The following TBC1D8 variants were observed in gnomAD, a reference collection of about 807,000 sequenced individuals.
The protein encoded by TBC1D8 is TBC1 domain family member 8.
A neutral mutation model predicts 118.8 loss-of-function variants in TBC1D8; 65 were observed. The ratio of observed to expected loss-of-function variants is 0.55; its 90% confidence interval spans 0.45 to 0.67. The LOEUF (loss-of-function observed/expected upper bound fraction) is 0.67. TBC1D8 is among the 30% of genes least tolerant of loss of function. TBC1D8 has a pLI of 0.00. For synonymous variants in TBC1D8, 566 were observed against 595.8 expected (o/e 0.95, Z 0.73); for missense variants, 1,376 against 1,471.2 (o/e 0.94, Z 1.06).
intron 2 of TBC1D8, among the ~76,000 whole-genome samples, chr2:101,064,778 G>A (rs7606363): frequency 3.8e-4 from 58 of 152,170 alleles, no homozygotes; most frequent in African/African-American, 1.4e-3. Context: ...GTGGTCAACA[G>A]AGGACATCTT....
At chr2:101,066,781 T>C (rs1328731726) in intron 2 of TBC1D8, among the ~76,000 whole-genome samples, 1 of 151,856 alleles carries the variant, frequency 6.6e-6, no homozygotes, top group Non-Finnish European at 1.5e-5. Flanking sequence ...CCCGTCTCTA[T>C]TAAAAATACG....
chr2:101,012,793 A>C (rs1281780436), intron 17 of TBC1D8, among the ~76,000 whole-genome samples: 2 of 152,212 alleles, frequency 1.3e-5, no homozygotes, highest in Non-Finnish European at 2.9e-5. Flanking sequence ...TTCACTGAAA[A>C]TAAATCAAAG....
chr2:101,048,651 G>A (rs774831461), intron 5 of TBC1D8, among the ~76,000 whole-genome samples: 66 of 101,218 alleles, frequency 6.5e-4, no homozygotes, highest in African/African-American at 1.6e-3. Context: ...GCATGCTGCC[G>A]TTCACAGGCC....
chr2:101,103,315 AT>A (rs199643768), intron 1 of TBC1D8, among the ~76,000 whole-genome samples: 40 of 135,448 alleles, frequency 3.0e-4, no homozygotes, highest in South Asian at 6.9e-4. Flanking sequence ...TCCATTCATG[AT>A]TTTAAAAAAA....
At position 101,091,725 on chromosome 2, in the gene TBC1D8, C is replaced by CA. The variant is rs545434375; in HGVS notation, c.128-1362dup. Among the ~76,000 whole-genome samples, 68 of 149,484 alleles carry CA rather than the reference C, an allele frequency of 4.5e-4. 2 individuals carry two copies. The highest frequency in any genetic ancestry group is 8.5e-4 in the South Asian group (4 of 4,708). ...GGGAGACAGAGCAGGACCTCAGTTT[C>CA]AAAAAAAAAGGCATCCTGATCCTTG... On this transcript the variant is annotated intron_variant, in intron 1 of 19. Transcript: ENST00000409318.
chr2:101,087,975 T>C (rs2105454372), intron 2 of TBC1D8, among the ~76,000 whole-genome samples: 1 of 152,312 alleles, frequency 6.6e-6, no homozygotes, highest in East Asian at 1.9e-4. Context: ...TAGAAAATAA[T>C]CTCTCTTGTA....
Position 101,099,399 on chromosome 2 carries a change from A to G in TBC1D8, c.128-9035T>C, listed in dbSNP as rs536227914. On this transcript the variant is annotated intron_variant, in intron 1 of 19. Transcript: ENST00000409318. ...CACCAACCAAAAAAAGCCCAGGACC[A>G]GATGGATTCACAGCTGAATTCTATC... Among the ~76,000 whole-genome samples the G allele has an allele frequency of 3.3e-5, 5 of 152,354 alleles. No homozygotes were observed. The South Asian group carries it at 1.0e-3, about 32-fold the overall frequency.
chr2:101,025,223 T>A (rs369307216), intron 15 of TBC1D8, among the ~76,000 whole-genome samples: 22 of 150,742 alleles, frequency 1.5e-4, no homozygotes, highest in South Asian at 4.2e-4. Flanking sequence ...TTTTTTTTTT[T>A]AATTTTTATT....
intron 12 of TBC1D8, 65 bp downstream of exon 12, chr2:101,029,426 C>A: frequency 6.5e-7 from 1 of 1,544,476 alleles, no homozygotes; most frequent in Non-Finnish European, 8.8e-7. Flanking sequence ...CACCGATAGC[C>A]CTGCTGGGCA....
At chr2:101,116,711 G>A (rs1252894100) in intron 1 of TBC1D8, among the ~76,000 whole-genome samples, 3 of 151,652 alleles carry the variant, frequency 2.0e-5, no homozygotes, top group Non-Finnish European at 2.9e-5. Flanking sequence ...TGCAATCTCA[G>A]CTCACTGCAG....
At chr2:101,138,946 C>T (rs1199520643) in intron 1 of TBC1D8, among the ~76,000 whole-genome samples, 2 of 152,140 alleles carry the variant, frequency 1.3e-5, no homozygotes, top group Non-Finnish European at 2.9e-5. Context: ...CCAAGAGTCA[C>T]CTCATTAGAA....
intron 1 of TBC1D8, among the ~76,000 whole-genome samples, chr2:101,125,477 T>C (rs1270837658): frequency 6.6e-6 from 1 of 152,194 alleles, no homozygotes; most frequent in African/African-American, 2.4e-5. Flanking sequence ...AAGCACAGTA[T>C]AGTGTAATCT....
At chr2:101,017,740 T>C (rs1342424110) in intron 17 of TBC1D8, 18 of 1,099,584 alleles carry the variant, frequency 1.6e-5, no homozygotes, top group East Asian at 5.2e-5. Flanking sequence ...ACAGGCAAGA[T>C]AGGGTCAAGT....
chr2:101,061,120 G>A (rs1438812430), intron 2 of TBC1D8, among the ~76,000 whole-genome samples: 1 of 149,900 alleles, frequency 6.7e-6, no homozygotes, highest in Non-Finnish European at 1.5e-5. Context: ...CCTGGGAGGC[G>A]GAGATTGCAG....
chr2:101,009,337 C>T (rs1444986839), intron 19 of TBC1D8, among the ~76,000 whole-genome samples: 1 of 148,568 alleles, frequency 6.7e-6, no homozygotes, highest in Non-Finnish European at 1.5e-5. Flanking sequence ...ACTTGGGAGG[C>T]GGAGCTTGCA....
At chr2:101,104,596 A>C (rs1429799065) in intron 1 of TBC1D8, among the ~76,000 whole-genome samples, 1 of 152,280 alleles carries the variant, frequency 6.6e-6, no homozygotes, top group African/African-American at 2.4e-5. Context: ...TCTTTTCAAC[A>C]AACGGTGCTA....
At chr2:101,031,432 G>A (rs55771809) in intron 11 of TBC1D8, among the ~76,000 whole-genome samples, 16,166 of 152,100 alleles carry the variant, frequency 0.11, 983 homozygotes, top group Non-Finnish European at 0.14. Context: ...CCTTCTTCCC[G>A]CCTTGCTCCT....
intron 1 of TBC1D8, among the ~76,000 whole-genome samples, chr2:101,121,676 T>C (rs1377404371): frequency 5.3e-5 from 8 of 152,214 alleles, no homozygotes; most frequent in Non-Finnish European, 8.8e-5. Context: ...TTTCAACATA[T>C]GGATTTGGGA....
chr2:101,016,593 T>G (rs1176314625), intron 17 of TBC1D8, among the ~76,000 whole-genome samples: 1 of 152,126 alleles, frequency 6.6e-6, no homozygotes, highest in East Asian at 1.9e-4. Context: ...CAAAGGACTA[T>G]AAATCATGCT....
Sources: allele counts gnomAD v4.1 joint callset (sites outside exome capture counted in the v4.1 genomes callset), GRCh38; gene constraint gnomAD v4.1.1; transcripts MANE v1.5; gene names NCBI Gene and HGNC (gene_info 2026-07-23, HGNC 2026-07-21).